Variants in CDKAL1 observed in about 807,000 individuals in gnomAD.
CDKAL1 encodes the protein CDKAL1 threonylcarbamoyladenosine tRNA methylthiotransferase, also known as threonylcarbamoyladenosine tRNA methylthiotransferase.
A neutral mutation model predicts 68.2 loss-of-function variants in CDKAL1; 32 were observed. That is an observed-to-expected ratio of 0.47 (90% confidence interval 0.35 to 0.63). The LOEUF is 0.63. Among genes scored for constraint, CDKAL1 ranks in the 30% least tolerant of loss-of-function variants. The pLI, the probability that CDKAL1 is intolerant of heterozygous loss-of-function variation, is 0.00. For missense variants in CDKAL1, 606 were observed against 696.7 expected (o/e 0.87, Z 1.47); for synonymous variants, 234 against 244.3 (o/e 0.96, Z 0.39).
chr6:21,230,685 A>T (rs1411154327), intron 15 of CDKAL1, among the ~76,000 whole-genome samples, 163 bp from the exon 16 acceptor site: 1 of 151,556 alleles, frequency 6.6e-6, no homozygotes, highest in Non-Finnish European at 1.5e-5. Context: ...ACTCATTCAT[A>T]CCTACCTTGG....
intron 9 of CDKAL1, among the ~76,000 whole-genome samples, chr6:20,882,086 G>A (rs1760853039): frequency 6.6e-6 from 1 of 152,108 alleles, no homozygotes; most frequent in Admixed American, 6.5e-5. Flanking sequence ...ATTGCATATT[G>A]AATATTTTAA....
intron 4 of CDKAL1, among the ~76,000 whole-genome samples, chr6:20,569,523 G>C (rs1764612631): frequency 6.6e-6 from 1 of 152,146 alleles, no homozygotes; most frequent in Non-Finnish European, 1.5e-5. Context: ...TATTGGTGTA[G>C]GCTATGGACC....
At chr6:21,057,939 A>G (rs908323181) in intron 11 of CDKAL1, among the ~76,000 whole-genome samples, 3 of 152,164 alleles carry the variant, frequency 2.0e-5, no homozygotes, top group African/African-American at 7.2e-5. Flanking sequence ...CAATTATGTG[A>G]TAAATTTTAG....
At chr6:20,608,610 T>G (rs1182796278) in intron 4 of CDKAL1, among the ~76,000 whole-genome samples, 1 of 152,180 alleles carries the variant, frequency 6.6e-6, no homozygotes, top group African/African-American at 2.4e-5. Flanking sequence ...AGCCAATTAT[T>G]TTTGAGTTTG....
At chr6:20,795,514 A>G (rs1236995321) in intron 8 of CDKAL1, among the ~76,000 whole-genome samples, 5 of 152,180 alleles carry the variant, frequency 3.3e-5, no homozygotes, top group Non-Finnish European at 7.4e-5. Flanking sequence ...CTCTTGGAAT[A>G]GTGGTTGAGA....
chr6:20,585,342 G>A (rs1304347331), intron 4 of CDKAL1, among the ~76,000 whole-genome samples: 1 of 152,142 alleles, frequency 6.6e-6, no homozygotes, highest in Non-Finnish European at 1.5e-5. Context: ...GTGAGCCACT[G>A]CGCCCGGCCG....
intron 8 of CDKAL1, among the ~76,000 whole-genome samples, chr6:20,838,621 G>A (rs964380509): frequency 5.3e-5 from 8 of 152,148 alleles, no homozygotes; most frequent in Admixed American, 5.2e-4. Context: ...TATTAAGGGT[G>A]TGGGACTTTG....
intron 5 of CDKAL1, among the ~76,000 whole-genome samples, chr6:20,670,704 A>C (rs1407671395): frequency 6.6e-6 from 1 of 152,198 alleles, no homozygotes; most frequent in Non-Finnish European, 1.5e-5. Context: ...GTAGGTCATA[A>C]TGTCATAGAA....
At chr6:20,789,715 C>G (rs1466502644) in intron 8 of CDKAL1, among the ~76,000 whole-genome samples, 2 of 152,086 alleles carry the variant, frequency 1.3e-5, no homozygotes, top group Non-Finnish European at 2.9e-5. Flanking sequence ...TTTAAAGGTA[C>G]TCAAATTTAG....
chr6:20,997,005 G>T lies in CDKAL1; in HGVS notation c.910-3222G>T, dbSNP rs1767154140. Among the ~76,000 whole-genome samples, 2 of 152,176 alleles carry T rather than the reference G, an allele frequency of 1.3e-5. 1 individual carries two copies. The highest frequency in any genetic ancestry group is 4.1e-4 in the South Asian group (2 of 4,830). On this transcript the variant is annotated intron_variant, in intron 10 of 15. Coordinates refer to ENST00000274695, the MANE Select transcript of CDKAL1 (RefSeq NM_017774.3). ...CTGAATGAAAGTTTGTCTTCCTATTGAAATTACAATTTACACCTCTTTTCG... is the reference window on the plus strand; with the variant it reads ...CTGAATGAAAGTTTGTCTTCCTATTTAAATTACAATTTACACCTCTTTTCG...
chr6:20,628,646 C>A (rs1469450165), intron 4 of CDKAL1, among the ~76,000 whole-genome samples: 2 of 109,002 alleles, frequency 1.8e-5, no homozygotes, highest in African/African-American at 7.1e-5. Context: ...AAAACCAACC[C>A]TTATTTTACT....
chr6:20,982,857 A>T (rs201356), intron 10 of CDKAL1, among the ~76,000 whole-genome samples: 13,542 of 152,178 alleles, frequency 0.089, 736 homozygotes, highest in Middle Eastern at 0.16. Flanking sequence ...ATTTCATTTT[A>T]AAAAAACAAC....
At chr6:21,228,161 A>T (rs1309432747) in intron 15 of CDKAL1, among the ~76,000 whole-genome samples, 1 of 152,042 alleles carries the variant, frequency 6.6e-6, no homozygotes, top group Admixed American at 6.5e-5. Flanking sequence ...GGGGTCTCTC[A>T]ATTTGAGGGG....
At chr6:20,901,667 C>G (rs376571284) in intron 9 of CDKAL1, among the ~76,000 whole-genome samples, 2 of 107,170 alleles carry the variant, frequency 1.9e-5, no homozygotes, top group Admixed American at 1.3e-4. Flanking sequence ...GGCAAGAGTG[C>G]GAGACTCCAT....
At chr6:20,639,912 G>T (rs1224243938) in intron 4 of CDKAL1, among the ~76,000 whole-genome samples, 1 of 152,280 alleles carries the variant, frequency 6.6e-6, no homozygotes, top group African/African-American at 2.4e-5. Context: ...CTCGTGATCC[G>T]CCCGCCTTGG....
intron 8 of CDKAL1, among the ~76,000 whole-genome samples, chr6:20,840,333 G>A (rs1390421909): frequency 1.3e-5 from 2 of 152,138 alleles, no homozygotes; most frequent in Admixed American, 1.3e-4. Context: ...ATTGAGAGGT[G>A]ATAAGTATAA....
intron 4 of CDKAL1, among the ~76,000 whole-genome samples, chr6:20,598,306 G>A (rs767702574): frequency 3.9e-5 from 6 of 152,112 alleles, no homozygotes; most frequent in Non-Finnish European, 5.9e-5. Flanking sequence ...TTTGGTGTGG[G>A]CTAGTTTTGT....
intron 13 of CDKAL1, among the ~76,000 whole-genome samples, chr6:21,139,306 C>T (rs1775779826): frequency 6.6e-6 from 1 of 152,168 alleles, no homozygotes; most frequent in South Asian, 2.1e-4. Context: ...ACCCATTTCA[C>T]TTGTGACCAA....
At chr6:21,009,112 A>G (rs1457061376) in intron 11 of CDKAL1, among the ~76,000 whole-genome samples, 1 of 152,216 alleles carries the variant, frequency 6.6e-6, no homozygotes, top group African/African-American at 2.4e-5. Context: ...ATTATATACA[A>G]AATCTTATCC....
Sources: allele counts gnomAD v4.1 joint callset (sites outside exome capture counted in the v4.1 genomes callset), GRCh38; gene constraint gnomAD v4.1.1; transcripts MANE v1.5; gene names NCBI Gene and HGNC (gene_info 2026-07-23, HGNC 2026-07-21).